SYNE2: variants seen among roughly 807,000 people sequenced by gnomAD.
The protein encoded by SYNE2 is nesprin-2.
A neutral mutation model predicts 856.3 loss-of-function variants in SYNE2; 431 were observed. The ratio of observed to expected loss-of-function variants is 0.50; its 90% CI spans 0.47 to 0.55. The LOEUF (loss-of-function observed/expected upper bound fraction) is 0.55. SYNE2 is among the 20% of genes least tolerant of loss of function. SYNE2 has a pLI of 0.00. For missense variants in SYNE2, 8,129 were observed against 8,023.2 expected (o/e 1.01, Z -0.50); for synonymous variants, 2,923 against 2,872.3 (o/e 1.02, Z -0.56).
chr14:63,970,651 C>CTTTCTTTTTTTTTT (rs2096462353), intron 11 of SYNE2, among the ~76,000 whole-genome samples: 1 of 98,888 alleles, frequency 1.0e-5, no homozygotes, highest in Non-Finnish European at 1.9e-5. Flanking sequence ...TTTCTTTTTT[C>CTTTCTTTTTTTTTT]TTTTTTTTTT....
At chr14:64,195,502 C>T (rs184920143) in intron 99 of SYNE2, among the ~76,000 whole-genome samples, 87 of 152,312 alleles carry the variant, frequency 5.7e-4, no homozygotes, top group Non-Finnish European at 1.1e-3. Context: ...CTGAATTGCT[C>T]TCACTATCAG....
chr14:64,208,728 A>T (rs367668541), intron 100 of SYNE2, 30 bp from the exon 101 acceptor site: 103 of 1,613,368 alleles, frequency 6.4e-5, no homozygotes, highest in Non-Finnish European at 8.0e-5. Context: ...CCAACATCTC[A>T]AGAGGTTTCT....
At chr14:64,044,378 A>C (rs1417972063) in intron 45 of SYNE2, among the ~76,000 whole-genome samples, 1 of 152,180 alleles carries the variant, frequency 6.6e-6, no homozygotes, top group Non-Finnish European at 1.5e-5. Context: ...TCTAAGAAGT[A>C]ACTAGCTTGC....
At chr14:63,776,137 T>C (rs116982134) in intron 1 of SYNE2, among the ~76,000 whole-genome samples, 2,903 of 152,362 alleles carry the variant, frequency 0.019, 40 homozygotes, top group Admixed American at 0.032. Context: ...TGAAAATTCC[T>C]ACTGCTCTGA....
intron 65 of SYNE2, among the ~76,000 whole-genome samples, chr14:64,109,696 A>T (rs781638046): frequency 1.3e-5 from 2 of 152,206 alleles, no homozygotes; most frequent in African/African-American, 2.4e-5. Context: ...ACTTCTGATT[A>T]TTCAGGGACA....
chr14:63,864,907 A>G (rs889895588), intron 1 of SYNE2, among the ~76,000 whole-genome samples: 3 of 152,174 alleles, frequency 2.0e-5, no homozygotes, highest in South Asian at 2.1e-4. Context: ...CATACATTCT[A>G]TAGGAACAAG....
In SYNE2 at chr14:64,225,566, T is replaced by G; in HGVS notation, c.*40T>G. On this transcript the variant is annotated 3_prime_UTR_variant, in exon 116 of 116. Coordinates refer to ENST00000555002, the MANE Select transcript of SYNE2 (RefSeq NM_182914.3). ...CACAGTGCTACACCACCTGCCTGAT[T>G]GCCAAGGGTGCCCAGCACGTGGCCC... 1 of 1,601,976 alleles carries G rather than the reference T, an allele frequency of 6.2e-7. No homozygotes were observed. Among genetic ancestry groups the G allele is most frequent in the Non-Finnish European group, 8.5e-7 (1 of 1,171,564 alleles).
chr14:63,833,479 A>G (rs1424989078), intron 1 of SYNE2, among the ~76,000 whole-genome samples: 2 of 152,204 alleles, frequency 1.3e-5, no homozygotes, highest in Non-Finnish European at 2.9e-5. Context: ...TAACAGACCA[A>G]CTGGCACTTA....
chr14:63,960,980 C>A, intron 8 of SYNE2: 1 of 525,246 alleles, frequency 1.9e-6, no homozygotes, highest in Non-Finnish European at 3.4e-6. Flanking sequence ...TAATGCAACA[C>A]AAAGCCTGGC....
chr14:63,978,596 A>G (rs1190910300), intron 13 of SYNE2, among the ~76,000 whole-genome samples: 1 of 152,190 alleles, frequency 6.6e-6, no homozygotes, highest in Non-Finnish European at 1.5e-5. Flanking sequence ...ATTTTATTAC[A>G]GGATTTGTCA....
At chr14:64,115,105 A>C (rs2097844051) in intron 66 of SYNE2, among the ~76,000 whole-genome samples, 1 of 152,152 alleles carries the variant, frequency 6.6e-6, no homozygotes, top group Non-Finnish European at 1.5e-5. Context: ...TTCAGGATTG[A>C]TTTGCCAACT....
rs118116768 is a variant in SYNE2, at chr14:64,005,547, A to G, written c.4398-1496A>G. ...TCAGTGGTAACTTGAACAGTGAGTA[A>G]GAACCGAGTTACCATTAACTGAGAT... On this transcript the variant is annotated intron_variant, in intron 30 of 115. Transcript: ENST00000555002. 3.1e-3 allele frequency among the ~76,000 whole-genome samples: 471 copies of G among 152,322 alleles called. 8 individuals are homozygous for G. The East Asian group carries it at 0.05, about 16-fold the overall frequency.
At chr14:64,177,514 A>G (rs1055589460) in intron 96 of SYNE2, 31 bp downstream of exon 96, 1 of 1,613,982 alleles carries the variant, frequency 6.2e-7, no homozygotes, top group Non-Finnish European at 8.5e-7. Flanking sequence ...GGCCAAGATA[A>G]TCACTTAGCT....
chr14:63,801,842 T>C (rs1303627647), intron 1 of SYNE2, among the ~76,000 whole-genome samples: 1 of 149,592 alleles, frequency 6.7e-6, no homozygotes, highest in Non-Finnish European at 1.5e-5. Flanking sequence ...CATCTAAATA[T>C]AAAAACTTAA....
intron 77 of SYNE2, among the ~76,000 whole-genome samples, chr14:64,133,609 A>T (rs562268969): frequency 6.6e-6 from 1 of 152,312 alleles, no homozygotes; most frequent in South Asian, 2.1e-4. Context: ...CCTATGCTGC[A>T]AGTGGCATGG....
intron 92 of SYNE2, among the ~76,000 whole-genome samples, chr14:64,167,951 T>G (rs192308607): frequency 6.6e-6 from 1 of 152,348 alleles, no homozygotes; most frequent in Admixed American, 6.5e-5. Context: ...ATAAAATACT[T>G]CGACTCATGT....
At chr14:63,960,644 G>T in intron 8 of SYNE2, 3 of 631,350 alleles carry the variant, frequency 4.8e-6, no homozygotes, top group South Asian at 1.8e-5. Flanking sequence ...TGCTTGTTTA[G>T]GTCAAGAAAC....
chr14:64,176,727 A>G (rs1254869795), intron 95 of SYNE2, among the ~76,000 whole-genome samples: 2 of 152,182 alleles, frequency 1.3e-5, no homozygotes, highest in East Asian at 3.8e-4. Context: ...TTAAAGTAGA[A>G]ATCACATTGG....
chr14:63,817,335 C>T (rs1356082496), intron 1 of SYNE2, among the ~76,000 whole-genome samples: 1 of 152,076 alleles, frequency 6.6e-6, no homozygotes, highest in African/African-American at 2.4e-5. Context: ...GGCACGGTGG[C>T]ATGTGCCTGT....
Sources: allele counts gnomAD v4.1 joint callset (sites outside exome capture counted in the v4.1 genomes callset), GRCh38; gene constraint gnomAD v4.1.1; transcripts MANE v1.5; gene names NCBI Gene and HGNC (gene_info 2026-07-23, HGNC 2026-07-21).